The following INTS15 variants were observed in gnomAD, a reference collection of about 807,000 sequenced individuals.
The protein encoded by INTS15 is integrator complex subunit 15, also known as uncharacterized protein C7orf26.
the INTS15 span, among the ~76,000 whole-genome samples, chr7:6,597,276 A>G: frequency 1.7e-4 from 25 of 150,138 alleles, no homozygotes; most frequent in African/African-American, 6.1e-4. Flanking sequence ...GAACCCAGCT[A>G]TGGTATCATA....
At chr7:6,608,369 C>G in the INTS15 span, 20 of 1,415,204 alleles carry the variant, frequency 1.4e-5, no homozygotes, top group East Asian at 2.6e-5. Context: ...AAGAGTCCAG[C>G]CTCTGCCGAG....
chr7:6,596,376 C>CTTT, the INTS15 span, among the ~76,000 whole-genome samples: 102 of 107,894 alleles, frequency 9.5e-4, no homozygotes, highest in African/African-American at 1.1e-3. Flanking sequence ...ATCTGTCACC[C>CTTT]TTTTTTTTTT....
chr7:6,594,226 C>T, the INTS15 span, among the ~76,000 whole-genome samples: 1 of 147,370 alleles, frequency 6.8e-6, no homozygotes, highest in African/African-American at 2.5e-5. Flanking sequence ...AGGCTGGTCT[C>T]GAACTCCTGA....
At chr7:6,598,780 T>TGTGTGC in the INTS15 span, among the ~76,000 whole-genome samples, 2 of 97,668 alleles carry the variant, frequency 2.0e-5, no homozygotes, top group African/African-American at 1.3e-4. Context: ...TGTGTGTGTG[T>TGTGTGC]GTGTGTATTT....
At chr7:6,590,265 G>C in the INTS15 span, 2 of 1,500,604 alleles carry the variant, frequency 1.3e-6, no homozygotes, top group Non-Finnish European at 1.8e-6. Flanking sequence ...CTCGGCGCGG[G>C]GGCCGCGGCG....
chr7:6,600,409 A>C, the INTS15 span: 1 of 1,524,194 alleles, frequency 6.6e-7, no homozygotes, highest in Non-Finnish European at 8.8e-7. Flanking sequence ...GCCGCCCTGC[A>C]GAAGGAAGGA....
chr7:6,596,870 G>A, the INTS15 span, among the ~76,000 whole-genome samples: 3 of 151,484 alleles, frequency 2.0e-5, no homozygotes, highest in African/African-American at 4.9e-5. Flanking sequence ...TGCAAGCTCC[G>A]CCTGCCAGAT....
the INTS15 span, among the ~76,000 whole-genome samples, chr7:6,605,038 G>C: frequency 6.6e-6 from 1 of 152,008 alleles, no homozygotes; most frequent in Non-Finnish European, 1.5e-5. Flanking sequence ...TGTCACCCAG[G>C]CTAGAGTGCA....
the INTS15 span, among the ~76,000 whole-genome samples, chr7:6,592,587 A>T: frequency 2.0e-5 from 3 of 151,618 alleles, no homozygotes; most frequent in Non-Finnish European, 2.9e-5. Context: ...CTTTTTTTTT[A>T]AATTAGGGTG....
At chr7:6,600,782 C>G in the INTS15 span, among the ~76,000 whole-genome samples, 3 of 151,796 alleles carry the variant, frequency 2.0e-5, no homozygotes, top group Non-Finnish European at 4.4e-5. Context: ...ATCAGCCTCC[C>G]GAAGAGCTGG....
At chr7:6,608,374 G>T in the INTS15 span, 2 of 1,410,932 alleles carry the variant, frequency 1.4e-6, no homozygotes, top group Non-Finnish European at 1.8e-6. Context: ...TCCAGCCTCT[G>T]CCGAGAGCCT....
At chr7:6,592,217 G>A in the INTS15 span, among the ~76,000 whole-genome samples, 12 of 151,582 alleles carry the variant, frequency 7.9e-5, no homozygotes, top group Non-Finnish European at 1.8e-4. Context: ...TGATTTTGCT[G>A]TTCGGAATTC....
the INTS15 span, among the ~76,000 whole-genome samples, chr7:6,592,200 C>G: frequency 2.6e-5 from 4 of 150,988 alleles, no homozygotes; most frequent in East Asian, 5.9e-4. Context: ...CTGAGAGTCT[C>G]TGAAGATGAT....
the INTS15 span, among the ~76,000 whole-genome samples, chr7:6,592,526 C>T: frequency 6.6e-6 from 1 of 151,368 alleles, no homozygotes; most frequent in South Asian, 2.1e-4. Context: ...GAGATTGTGT[C>T]ACTGCACTCC....
the INTS15 span, chr7:6,608,206 T>C: frequency 1.3e-6 from 2 of 1,533,986 alleles, no homozygotes; most frequent in Non-Finnish European, 1.7e-6. Context: ...ACGAAGCCTT[T>C]CGAGATGGAA....
chr7:6,591,571 T>C, the INTS15 span: 2 of 1,373,228 alleles, frequency 1.5e-6, no homozygotes, highest in Non-Finnish European at 1.0e-6. Context: ...GTCTATTTCC[T>C]GTTTTCTTAA....
At chr7:6,603,801 T>C in the INTS15 span, among the ~76,000 whole-genome samples, 1 of 151,978 alleles carries the variant, frequency 6.6e-6, no homozygotes, top group African/African-American at 2.4e-5. Context: ...ACCGCACCAT[T>C]GCGTTCCAGC....
At chr7:6,590,545 G>A in the INTS15 span, 18 of 1,429,888 alleles carry the variant, frequency 1.3e-5, no homozygotes, top group Non-Finnish European at 1.6e-5. Context: ...CAGCGATGCA[G>A]GGCTGTGTCA....
chr7:6,602,640 G>A, the INTS15 span: 1 of 470,060 alleles, frequency 2.1e-6, no homozygotes, highest in African/African-American at 2.0e-5. Flanking sequence ...TAAAATGGGG[G>A]TGATACTGTT....
Sources: allele counts gnomAD v4.1 joint callset (sites outside exome capture counted in the v4.1 genomes callset), GRCh38; gene constraint gnomAD v4.1.1; transcripts MANE v1.5; gene names NCBI Gene and HGNC (gene_info 2026-07-23, HGNC 2026-07-21).